FANCD2OS: variants seen among roughly 807,000 people sequenced by gnomAD.
FANCD2OS encodes FANCD2 opposite strand.
In FANCD2OS, 11 loss-of-function variants were observed where a neutral mutation model predicts 13.2. The observed-to-expected ratio is 0.83, with a 90% CI of 0.52 to 1.38. The LOEUF (loss-of-function observed/expected upper bound fraction) is 1.38, where lower values mean the gene tolerates loss of function less well. Ranked by LOEUF, FANCD2OS falls within the 40% of genes most tolerant of loss-of-function variation. FANCD2OS has a pLI of 0.00. For missense variants in FANCD2OS, 217 were observed against 213.9 expected (o/e 1.01, Z -0.09); for synonymous variants, 69 against 84.5 (o/e 0.82, Z 1.01).
rs537749185 is a variant in FANCD2OS at position 10,094,532 on chromosome 3, ACTC to A, written c.*43+9663_*43+9665del. ...GACTGAATATTCCAAAGTAGGCTGA[ACTC>A]CTCAGGCCCACTCTGGATCAAACCC... is the stretch of plus-strand genomic sequence containing the variant. On this transcript the variant is annotated intron_variant, in intron 2 of 2. Transcript: ENST00000524279. 2.2e-3 allele frequency among the ~76,000 whole-genome samples: 337 copies of A among 151,770 alleles called. 2 individuals carry two copies. Among genetic ancestry groups the A allele is most frequent in the Non-Finnish European group, 3.5e-3 (240 of 67,870 alleles).
chr3:10,093,709 T>A (rs1001764415), intron 2 of FANCD2OS, among the ~76,000 whole-genome samples: 1 of 152,156 alleles, frequency 6.6e-6, no homozygotes, highest in East Asian at 1.9e-4. Flanking sequence ...ATTGCCAAAC[T>A]TCTCTTTTGT....
At position 10,081,395 on chromosome 3, in the gene FANCD2OS, T is replaced by A; in HGVS notation, c.*180A>T. 1 of 1,614,136 alleles carries A rather than the reference T, an allele frequency of 6.2e-7. No homozygotes were observed. The highest frequency in any genetic ancestry group is 8.5e-7 in the Non-Finnish European group (1 of 1,179,996). On this transcript the variant is annotated 3_prime_UTR_variant, in exon 3 of 3. Transcript: ENST00000524279. ...GTAGTTGATGGACCAGGAGTGAAAG[T>A]TCAGGAGTACCACATAATGTCTTCC...
At chr3:10,103,132 G>T (rs995501729), downstream of FANCD2OS, 2 of 431,994 alleles carry the variant, frequency 4.6e-6, no homozygotes, top group Admixed American at 5.2e-5. Context: ...GCCGGGCGCA[G>T]TGGCTCATGC....
intron 2 of FANCD2OS, chr3:10,089,073 C>A: frequency 8.7e-7 from 1 of 1,144,268 alleles, no homozygotes; most frequent in Non-Finnish European, 1.3e-6. Flanking sequence ...ACCTTGAGGT[C>A]AGGAGTTTTG....
chr3:10,106,201 A>G (rs765073841), intron 1 of FANCD2OS, among the ~76,000 whole-genome samples: 6 of 152,070 alleles, frequency 3.9e-5, no homozygotes, highest in Non-Finnish European at 8.8e-5. Flanking sequence ...TTGTTTTTCT[A>G]GGTGTGGGTG....
rs1043091202 is a variant in FANCD2OS, at chr3:10,092,395, C to T, written c.*44-10864G>A. ...CTGAGTCGTCTTCTTCCTTTGTCCC[C>T]CTACCCATCCTGGATAACCCCTTTT... On this transcript the variant is annotated intron_variant, in intron 2 of 2. Coordinates refer to the FANCD2OS transcript ENST00000524279. 9 of 748,258 alleles carry T rather than the reference C, an allele frequency of 1.2e-5. No homozygotes were observed. The African/African-American group carries it at 1.6e-4, about 13-fold the overall frequency. The allele number at this position is 748,258 out of a possible 1,614,324, so 46.4% of individuals were successfully genotyped here.
chr3:10,105,611 G>A (rs886850594), intron 1 of FANCD2OS, among the ~76,000 whole-genome samples: 52 of 150,906 alleles, frequency 3.4e-4, no homozygotes, highest in African/African-American at 1.1e-3. Flanking sequence ...TTAGCCGGGC[G>A]TGGTGGCGCA....
At chr3:10,090,443 ATTTTTTT>A (rs773716319) in intron 2 of FANCD2OS, 119 of 342,214 alleles carry the variant, frequency 3.5e-4, no homozygotes, top group Middle Eastern at 8.7e-4. Flanking sequence ...GAAGTTGCTG[ATTTTTTT>A]TTTTTTTTTT....
downstream of FANCD2OS, chr3:10,102,879 TAAAAA>T (rs1004729116): frequency 2.5e-5 from 4 of 159,870 alleles, no homozygotes; most frequent in African/African-American, 7.7e-5. Flanking sequence ...TAAAATAAAA[TAAAAA>T]AGCAGCATCA....
At chr3:10,103,352 A>T (rs1438677833), downstream of FANCD2OS, among the ~76,000 whole-genome samples, 1 of 152,162 alleles carries the variant, frequency 6.6e-6, no homozygotes, top group Non-Finnish European at 1.5e-5. Context: ...CGGTGAGCCG[A>T]GATGGCGCCA....
chr3:10,106,990 C>T (rs1695511897), intron 1 of FANCD2OS, among the ~76,000 whole-genome samples: 1 of 152,202 alleles, frequency 6.6e-6, no homozygotes, highest in Non-Finnish European at 1.5e-5. Flanking sequence ...TTGATTTTCT[C>T]CAACTAGTAT....
rs1411877055 is a variant in FANCD2OS at position 10,085,825 on chromosome 3, C to T, written c.*44-4294G>A. 3 of 1,611,934 alleles carry T rather than the reference C, an allele frequency of 1.9e-6. No homozygotes were observed. The highest frequency in any genetic ancestry group is 1.1e-5 in the South Asian group (1 of 91,004). On this transcript the variant is annotated intron_variant, in intron 2 of 2. Transcript: ENST00000524279. ...TGACTTCCTTAGGAGTGGATTTTCTCAACCTGAAAATCAGAATTTACTGTA... is the reference window on the plus strand; with the variant it reads ...TGACTTCCTTAGGAGTGGATTTTCTTAACCTGAAAATCAGAATTTACTGTA...
At chr3:10,105,797 T>C (rs1575894482) in intron 1 of FANCD2OS, among the ~76,000 whole-genome samples, 1 of 86,654 alleles carries the variant, frequency 1.2e-5, no homozygotes. Flanking sequence ...TATATATATA[T>C]ATATATATAT....
chr3:10,105,787 T>G, intron 1 of FANCD2OS, among the ~76,000 whole-genome samples: 1 of 50,624 alleles, frequency 2.0e-5, no homozygotes. Flanking sequence ...TATATATATA[T>G]ATATATATAT....
At chr3:10,092,330 C>T (rs1205223862) in intron 2 of FANCD2OS, 1 of 1,080,864 alleles carries the variant, frequency 9.3e-7, no homozygotes, top group Non-Finnish European at 1.4e-6. Context: ...AATGGACTTT[C>T]CTTGCTCCTC....
At chr3:10,083,268 C>T (rs1693957616) in intron 2 of FANCD2OS, among the ~76,000 whole-genome samples, 1 of 151,544 alleles carries the variant, frequency 6.6e-6, no homozygotes, top group African/African-American at 2.4e-5. Flanking sequence ...GTGAAGTTAA[C>T]ACAGAAAATA....
chr3:10,098,578 A>G, downstream of FANCD2OS: 1 of 971,114 alleles, frequency 1.0e-6, no homozygotes, highest in Non-Finnish European at 1.5e-6. Flanking sequence ...TAGATGCTGA[A>G]TCACAAGTTG....
At chr3:10,093,339 G>A (rs1309799961) in intron 2 of FANCD2OS, 4 of 1,600,646 alleles carry the variant, frequency 2.5e-6, no homozygotes, top group Non-Finnish European at 3.4e-6. Context: ...AGATTTACTG[G>A]GCCCTGTTTC....
Position 10,096,324 on chromosome 3 carries a change from A to G in FANCD2OS, c.*43+7874T>C. On this transcript the variant is annotated intron_variant, in intron 2 of 2. Transcript: ENST00000524279. ...AGATGGATGTTATTTATTTCCATTC[A>G]GATTCACCAGGACACGAGACTCACC... is the stretch of plus-strand genomic sequence containing the variant. 2 of 1,614,048 alleles carry G rather than the reference A, an allele frequency of 1.2e-6. No individual in the cohort carries two copies. The highest frequency in any genetic ancestry group is 1.7e-6 in the Non-Finnish European group (2 of 1,179,920).
Sources: gnomAD v4.1 joint callset for allele counts (sites outside exome capture counted in the v4.1 genomes callset) on GRCh38, gnomAD v4.1.1 for gene constraint, MANE v1.5 for transcripts, NCBI Gene and HGNC (gene_info 2026-07-23, HGNC 2026-07-21) for gene names.